The following FSTL4 variants were observed in gnomAD, a reference collection of about 807,000 sequenced individuals.
The protein encoded by FSTL4 is follistatin like 4, also known as follistatin-related protein 4.
In FSTL4, 28 loss-of-function variants were observed where a neutral mutation model predicts 78.2. The ratio of observed to expected loss-of-function variants is 0.36; its 90% CI spans 0.27 to 0.49. The LOEUF (loss-of-function observed/expected upper bound fraction) is 0.49. Among genes scored for constraint, FSTL4 ranks in the 20% least tolerant of loss-of-function variants. The probability of loss-of-function intolerance (pLI) is 0.98; values close to 1 mark genes in which losing one functional copy is unlikely to be tolerated. For missense variants in FSTL4, 922 were observed against 1,084.9 expected, an observed-to-expected ratio of 0.85 and a Z score of 2.11; for synonymous variants, 422 against 440.5, an observed-to-expected ratio of 0.96 and a Z score of 0.53.
At chr5:133,633,233 C>T in the FSTL4 span, among the ~76,000 whole-genome samples, 1 of 151,662 alleles carries the variant, frequency 6.6e-6, no homozygotes, top group African/African-American at 2.4e-5. Context: ...CTTTTTCAGC[C>T]CTGCCCTCTT....
rs1487680297 is a variant in FSTL4, at chr5:133,564,958, A to G, written c.160+2228T>C. Among the ~76,000 whole-genome samples, 4 of 152,232 alleles carry G rather than the reference A, an allele frequency of 2.6e-5. 1 individual carries two copies. Among genetic ancestry groups the G allele is most frequent in the Non-Finnish European group, 1.5e-5 (1 of 68,050 alleles). On this transcript the variant is annotated intron_variant, in intron 3 of 15. Transcript: ENST00000265342. The stretch of plus-strand genomic sequence containing the variant: ...CAAAAGTCACATAATGTGAAGTTGC[A>G]GTTGGTTAGCCATTTGTGGCCCTAA...
the FSTL4 span, among the ~76,000 whole-genome samples, chr5:133,704,147 G>A: frequency 2.0e-5 from 3 of 152,160 alleles, no homozygotes; most frequent in Non-Finnish European, 4.4e-5. Context: ...GTAGCAGAGG[G>A]CCCTCTCTGG....
chr5:133,716,166 G>A, the FSTL4 span, among the ~76,000 whole-genome samples: 37 of 152,280 alleles, frequency 2.4e-4, no homozygotes, highest in South Asian at 1.5e-3. Context: ...TTGACTGAGT[G>A]TCTAAGAATG....
chr5:133,265,266 G>A lies in FSTL4; in HGVS notation c.728-15690C>T, dbSNP rs550702712. Among the ~76,000 whole-genome samples, 248 of 152,260 alleles carry A rather than the reference G, an allele frequency of 1.6e-3. 1 individual carries two copies. The highest frequency in any genetic ancestry group is 5.6e-3 in the African/African-American group (232 of 41,554). ...AACTCACACTGAGCTGGACACAAGCGGAACTGCCGGCCACTCTCCAAATGT... is the reference window on the plus strand; with the variant it reads ...AACTCACACTGAGCTGGACACAAGCAGAACTGCCGGCCACTCTCCAAATGT... On this transcript the variant is annotated intron_variant, in intron 6 of 15. Coordinates refer to ENST00000265342, the MANE Select transcript of FSTL4 (RefSeq NM_015082.2).
chr5:133,319,851 A>T lies in FSTL4; in HGVS notation c.410-3199T>A, dbSNP rs1233538491. Reference sequence around the variant, plus strand: ...GTGCTTTAATGAGTTGCAAGAGAGAACTTTGCCCAAACTTAAATCATGAAG... The same window carrying T: ...GTGCTTTAATGAGTTGCAAGAGAGATCTTTGCCCAAACTTAAATCATGAAG... On this transcript the variant is annotated intron_variant, in intron 4 of 15. Transcript: ENST00000265342. 3.9e-5 allele frequency among the ~76,000 whole-genome samples: 6 copies of T among 152,170 alleles called. 1 individual carries two copies.
chr5:133,495,846 TG>T (rs1027243519), intron 3 of FSTL4, among the ~76,000 whole-genome samples: 4 of 152,290 alleles, frequency 2.6e-5, no homozygotes, highest in Admixed American at 1.3e-4. Flanking sequence ...TGAAATCAGA[TG>T]ATCAAGGTGG....
chr5:133,358,323 T>C (rs559875528), intron 4 of FSTL4, among the ~76,000 whole-genome samples: 9 of 152,180 alleles, frequency 5.9e-5, no homozygotes, highest in Non-Finnish European at 1.3e-4. Context: ...AGCAGCATCC[T>C]GACGAACACA....
At chr5:133,378,437 C>T (rs1755492055) in intron 4 of FSTL4, among the ~76,000 whole-genome samples, 1 of 152,064 alleles carries the variant, frequency 6.6e-6, no homozygotes, top group Non-Finnish European at 1.5e-5. Flanking sequence ...CTTGAATCTA[C>T]AAAAACACTG....
intron 8 of FSTL4, among the ~76,000 whole-genome samples, chr5:133,233,016 T>G (rs888943446): frequency 2.0e-5 from 3 of 152,220 alleles, no homozygotes; most frequent in South Asian, 4.1e-4. Flanking sequence ...ACAAGTGATA[T>G]GGTTCCATAC....
chr5:133,549,096 A>G (rs963881869), intron 3 of FSTL4, among the ~76,000 whole-genome samples: 8 of 152,002 alleles, frequency 5.3e-5, no homozygotes, highest in Admixed American at 4.6e-4. Flanking sequence ...TGTTTATCCT[A>G]TTTGGGATTT....
chr5:133,446,766 G>A (rs72787315), intron 3 of FSTL4, among the ~76,000 whole-genome samples: 102 of 152,268 alleles, frequency 6.7e-4, no homozygotes, highest in Non-Finnish European at 1.3e-3. Context: ...TCTGCACACC[G>A]CTGCTCCCTC....
intron 6 of FSTL4, among the ~76,000 whole-genome samples, chr5:133,275,136 C>T (rs139243323): frequency 0.01 from 1,565 of 151,800 alleles, 15 homozygotes; most frequent in Non-Finnish European, 0.017. Flanking sequence ...TGGTGGTGCA[C>T]GCTTGTAATC....
chr5:133,200,005 G>A lies in FSTL4; in HGVS notation c.1827-208C>T, dbSNP rs115413157. Among the ~76,000 whole-genome samples, 847 of 152,330 alleles carry A rather than the reference G, an allele frequency of 5.6e-3. 10 individuals carry two copies. Among genetic ancestry groups the A allele is most frequent in the African/African-American group, 0.019 (809 of 41,572 alleles). ...ATCCAAACGCAGTGGAGTTACAAATGTTCCTGGATTTATGCTCTTGTAACA... is the reference window on the plus strand; with the variant it reads ...ATCCAAACGCAGTGGAGTTACAAATATTCCTGGATTTATGCTCTTGTAACA... On this transcript the variant is annotated intron_variant, in intron 15 of 15. Coordinates refer to ENST00000265342, the MANE Select transcript of FSTL4 (RefSeq NM_015082.2).
rs1760450631 is a variant in FSTL4, at chr5:133,582,829, C to T, written c.127-15610G>A. On this transcript the variant is annotated intron_variant, in intron 2 of 15. Transcript: ENST00000265342. ...ATAGATACCTCATCTGTCCTGGGCC[C>T]TGTATGTCCCTGGGCTATCCCTGTC... Among the ~76,000 whole-genome samples the T allele has an allele frequency of 3.3e-5, 5 of 152,306 alleles. No individual in the cohort carries two copies. The South Asian group carries it at 1.0e-3, about 32-fold the overall frequency.
intron 8 of FSTL4, among the ~76,000 whole-genome samples, chr5:133,230,439 A>G (rs573719526): frequency 4.6e-5 from 7 of 152,330 alleles, no homozygotes; most frequent in Admixed American, 4.6e-4. Flanking sequence ...ACCTGCCTGC[A>G]AGTCAAGGGT....
the FSTL4 span, among the ~76,000 whole-genome samples, chr5:133,787,720 A>G: frequency 2.0e-5 from 3 of 152,132 alleles, 1 homozygote. Flanking sequence ...CTGCTATCCC[A>G]TGAGCTGACT....
At chr5:133,575,789 G>A (rs1169802362) in intron 2 of FSTL4, among the ~76,000 whole-genome samples, 1 of 152,208 alleles carries the variant, frequency 6.6e-6, no homozygotes, top group African/African-American at 2.4e-5. Flanking sequence ...GAGACTTAGT[G>A]CATGGGCATT....
intron 7 of FSTL4, among the ~76,000 whole-genome samples, chr5:133,235,134 C>G (rs1236710371): frequency 2.0e-5 from 3 of 152,130 alleles, no homozygotes; most frequent in African/African-American, 7.2e-5. Flanking sequence ...CTGATGTTCT[C>G]TCTTGCTAAC....
At chr5:133,278,624 T>A (rs1752942069) in intron 6 of FSTL4, among the ~76,000 whole-genome samples, 1 of 152,162 alleles carries the variant, frequency 6.6e-6, no homozygotes. Context: ...TGAGGTGGCA[T>A]CAGGAAACCT....
Sources: allele counts gnomAD v4.1 joint callset (sites outside exome capture counted in the v4.1 genomes callset), GRCh38; gene constraint gnomAD v4.1.1; transcripts MANE v1.5; gene names NCBI Gene and HGNC (gene_info 2026-07-23, HGNC 2026-07-21).